The following NTNG1 variants were observed in gnomAD, a reference collection of about 807,000 sequenced individuals.
NTNG1 encodes netrin G1.
NTNG1 carries 16 observed loss-of-function variants against 54.0 expected under a neutral mutation model. That is an observed-to-expected ratio of 0.30 (90% CI 0.20 to 0.45). The LOEUF (loss-of-function observed/expected upper bound fraction) is 0.45. Ranked by LOEUF, NTNG1 falls within the 20% of genes least tolerant of loss-of-function variation. The probability of loss-of-function intolerance (pLI) is 1.00; values close to 1 mark genes in which losing one functional copy is unlikely to be tolerated. For synonymous variants in NTNG1, 255 were observed against 263.1 expected, an observed-to-expected ratio of 0.97 and a Z score of 0.30; for missense variants, 530 against 678.7, an observed-to-expected ratio of 0.78 and a Z score of 2.43.
chr1:107,400,159 C>T lies in NTNG1; in HGVS notation c.1060+4833C>T, dbSNP rs929462026. 2.0e-5 allele frequency among the ~76,000 whole-genome samples: 3 copies of T among 152,124 alleles called. No homozygotes were observed. The East Asian group carries it at 5.8e-4, about 29-fold the overall frequency. On this transcript the variant is annotated intron_variant, in intron 4 of 7. Transcript: ENST00000370068. The stretch of plus-strand genomic sequence containing the variant: ...AATATGCTAGATACTAAATTCATTT[C>T]TTTCCCCTAAAGCATTTTTCTCTTC...
chr1:107,439,581 A>G (rs1340722539), intron 7 of NTNG1, among the ~76,000 whole-genome samples: 1 of 152,160 alleles, frequency 6.6e-6, no homozygotes, highest in Non-Finnish European at 1.5e-5. Context: ...CATCGTCCAA[A>G]CACACCTTTG....
chr1:107,327,175 T>G (rs1254600200), intron 3 of NTNG1, among the ~76,000 whole-genome samples: 1 of 152,162 alleles, frequency 6.6e-6, no homozygotes, highest in African/African-American at 2.4e-5. Context: ...TCTTCTTCTG[T>G]CACCTCCAGA....
intron 2 of NTNG1, among the ~76,000 whole-genome samples, chr1:107,278,719 C>A (rs1047088915): frequency 6.6e-6 from 1 of 152,068 alleles, no homozygotes; most frequent in African/African-American, 2.4e-5. Flanking sequence ...ATTATTTTCA[C>A]CAGTTTATCT....
chr1:107,222,799 C>CTTTT lies in NTNG1; in HGVS notation c.246+73979_246+73982dup, dbSNP rs113401472. 1.9e-3 allele frequency among the ~76,000 whole-genome samples: 209 copies of CTTTT among 109,032 alleles called. 4 individuals carry two copies. Among genetic ancestry groups the CTTTT allele is most frequent in the African/African-American group, 7.3e-3 (200 of 27,572 alleles). The allele number at this position is 109,032 out of a possible 152,430, so 71.5% of individuals were successfully genotyped here. ...CTAGAGAAAGGGAAGACCAGTGCTG[C>CTTTT]TTTTTTTTTTTTTTTTTTTTTTGGA... On this transcript the variant is annotated intron_variant, in intron 2 of 7. Transcript: ENST00000370068.
intron 3 of NTNG1, among the ~76,000 whole-genome samples, chr1:107,385,750 G>C (rs1486387487): frequency 6.6e-6 from 1 of 151,876 alleles, no homozygotes; most frequent in Non-Finnish European, 1.5e-5. Flanking sequence ...ACTTCCTGCT[G>C]CACAGGGCTA....
intron 3 of NTNG1, among the ~76,000 whole-genome samples, chr1:107,362,827 T>C (rs1157247829): frequency 6.6e-6 from 1 of 152,082 alleles, no homozygotes; most frequent in Non-Finnish European, 1.5e-5. Flanking sequence ...TTCAAGACCT[T>C]TCAGATTTTT....
At chr1:107,374,670 G>A (rs1671122758) in intron 3 of NTNG1, among the ~76,000 whole-genome samples, 1 of 152,016 alleles carries the variant, frequency 6.6e-6, no homozygotes, top group Admixed American at 6.6e-5. Flanking sequence ...TGTCCTGTCT[G>A]CTAATTCCAA....
At chr1:107,206,213 T>A (rs4915028) in intron 2 of NTNG1, among the ~76,000 whole-genome samples, 1 of 152,034 alleles carries the variant, frequency 6.6e-6, no homozygotes, top group East Asian at 1.9e-4. Context: ...GCTGTCCCTG[T>A]CCTCCTTCAC....
chr1:107,337,843 T>C (rs1263906644), intron 3 of NTNG1, among the ~76,000 whole-genome samples: 4 of 151,948 alleles, frequency 2.6e-5, no homozygotes, highest in Non-Finnish European at 4.4e-5. Context: ...AGGAGTCTAG[T>C]TGGAGGAAAT....
At chr1:107,266,334 G>A (rs761263013) in intron 2 of NTNG1, among the ~76,000 whole-genome samples, 6 of 149,454 alleles carry the variant, frequency 4.0e-5, no homozygotes, top group African/African-American at 1.2e-4. Flanking sequence ...ATGGTTCTGC[G>A]GGCTGTACAG....
chr1:107,439,112 T>C (rs1385965780), intron 7 of NTNG1, among the ~76,000 whole-genome samples: 2 of 152,060 alleles, frequency 1.3e-5, no homozygotes, highest in Non-Finnish European at 2.9e-5. Flanking sequence ...TAATCAGAGC[T>C]CAATAAGAGG....
intron 2 of NTNG1, among the ~76,000 whole-genome samples, chr1:107,216,854 T>G (rs898371557): frequency 6.6e-6 from 1 of 152,116 alleles, no homozygotes; most frequent in African/African-American, 2.4e-5. Context: ...AATTTTTGTA[T>G]TTTTAGTAGA....
At position 107,211,706 on chromosome 1, in the gene NTNG1, C is replaced by T. The variant is rs556757476; in HGVS notation, c.246+62867C>T. ...AAACACAGAGATGTCTGCTTAATTA[C>T]TTGAAAAATGTCTGAGCCAGTACAT... On this transcript the variant is annotated intron_variant, in intron 2 of 7. Transcript: ENST00000370068. 5.9e-5 allele frequency among the ~76,000 whole-genome samples: 9 copies of T among 152,258 alleles called. No individual in the cohort carries two copies. The South Asian group carries it at 1.9e-3, about 32-fold the overall frequency.
chr1:107,216,904 C>G (rs1293074834), intron 2 of NTNG1, among the ~76,000 whole-genome samples: 1 of 152,096 alleles, frequency 6.6e-6, no homozygotes, highest in African/African-American at 2.4e-5. Context: ...GTCTTGATCT[C>G]TTGACCTCAT....
At chr1:107,224,340 C>T (rs887113406) in intron 2 of NTNG1, among the ~76,000 whole-genome samples, 1 of 152,264 alleles carries the variant, frequency 6.6e-6, no homozygotes, top group South Asian at 2.1e-4. Flanking sequence ...TTGAAATGAA[C>T]TGCCCGAAAA....
rs1223577896 is a variant in NTNG1, at chr1:107,141,045, CG to C, written c.-619del. On this transcript the variant is annotated 5_prime_UTR_variant, in exon 1 of 8. Coordinates refer to ENST00000370068, the MANE Select transcript of NTNG1 (RefSeq NM_001113226.3). Reference sequence around the variant, plus strand: ...TCAAAGTCACTGATCTTTTGCATTTCGGAAGAGGACGTCAACGGGAAGGAAT... The same window carrying C: ...TCAAAGTCACTGATCTTTTGCATTTCGAAGAGGACGTCAACGGGAAGGAAT... 6.6e-6 allele frequency: 1 copy of C among 152,512 alleles called. No individual in the cohort carries two copies. Among genetic ancestry groups the C allele is most frequent in the Non-Finnish European group, 1.5e-5 (1 of 68,014 alleles). 9.4% of individuals were successfully genotyped at this position (152,512 alleles called of 1,614,324 possible).
intron 3 of NTNG1, among the ~76,000 whole-genome samples, chr1:107,341,822 G>A (rs1668912426): frequency 6.6e-6 from 1 of 152,036 alleles, no homozygotes; most frequent in Non-Finnish European, 1.5e-5. Flanking sequence ...TTTCTCTTCT[G>A]GCTTCAGGAA....
Position 107,296,487 on chromosome 1 carries a change from T to C in NTNG1, c.247-27795T>C, listed in dbSNP as rs958251964. Among the ~76,000 whole-genome samples the C allele has an allele frequency of 2.0e-5, 3 of 151,662 alleles. No homozygotes were observed. In the South Asian group the frequency reaches 6.2e-4, roughly 32 times the overall value. On this transcript the variant is annotated intron_variant, in intron 2 of 7. Transcript: ENST00000370068. ...GAAATTTAAATAGGATTATGCATTG[T>C]GGAATATTGGGGATTATTTTTGATT...
chr1:107,155,087 G>T (rs1442098224), intron 2 of NTNG1, among the ~76,000 whole-genome samples: 1 of 152,068 alleles, frequency 6.6e-6, no homozygotes, highest in Non-Finnish European at 1.5e-5. Context: ...TAAAGCATCA[G>T]TCTCTCTGGA....
Sources: gnomAD v4.1 joint callset for allele counts (sites outside exome capture counted in the v4.1 genomes callset) on GRCh38, gnomAD v4.1.1 for gene constraint, MANE v1.5 for transcripts, NCBI Gene and HGNC (gene_info 2026-07-23, HGNC 2026-07-21) for gene names.